The following RBFOX1 variants were observed in gnomAD, a reference collection of about 807,000 sequenced individuals.
RBFOX1 encodes RNA binding fox-1 homolog 1.
A neutral mutation model predicts 57.7 loss-of-function variants in RBFOX1; 8 were observed. The observed-to-expected ratio is 0.14, with a 90% CI of 0.08 to 0.25. RBFOX1 has a LOEUF of 0.25. Among genes scored for constraint, RBFOX1 ranks in the 10% least tolerant of loss-of-function variants. RBFOX1 has a pLI of 1.00. For missense variants in RBFOX1, 611 were observed against 548.5 expected (o/e 1.11, Z -1.14); for synonymous variants, 326 against 222.4 (o/e 1.47, Z -4.15).
At chr16:6,581,281 G>C (rs779382828) in intron 2 of RBFOX1, among the ~76,000 whole-genome samples, 25 of 152,090 alleles carry the variant, frequency 1.6e-4, no homozygotes, top group Non-Finnish European at 2.6e-4. Context: ...TCCTGCACAG[G>C]GTTCTGTGTC....
intron 3 of RBFOX1, among the ~76,000 whole-genome samples, chr16:6,668,863 T>C (rs1013722245): frequency 1.3e-5 from 2 of 152,220 alleles, no homozygotes; most frequent in African/African-American, 4.8e-5. Flanking sequence ...AAACTCTGAA[T>C]TAAAATGCAT....
At chr16:7,248,200 T>C (rs1294164562) in intron 4 of RBFOX1, among the ~76,000 whole-genome samples, 3 of 152,310 alleles carry the variant, frequency 2.0e-5, no homozygotes, top group Admixed American at 6.5e-5. Flanking sequence ...AGCTCTCTGA[T>C]AGGGTCCCTG....
At chr16:6,467,943 C>G (rs118132410) in intron 2 of RBFOX1, among the ~76,000 whole-genome samples, 101 of 152,138 alleles carry the variant, frequency 6.6e-4, no homozygotes, top group African/African-American at 2.2e-3. Flanking sequence ...TGGGAAAATC[C>G]CAGAATCTGC....
At chr16:6,706,176 C>T (rs540904622) in intron 3 of RBFOX1, among the ~76,000 whole-genome samples, 3 of 152,256 alleles carry the variant, frequency 2.0e-5, no homozygotes, top group African/African-American at 7.2e-5. Flanking sequence ...CTTTTTACTG[C>T]TCCCGTGAAT....
At chr16:6,915,265 C>T (rs1290941862) in intron 3 of RBFOX1, among the ~76,000 whole-genome samples, 1 of 152,100 alleles carries the variant, frequency 6.6e-6, no homozygotes, top group Non-Finnish European at 1.5e-5. Flanking sequence ...TACTAATTCC[C>T]TCCAAGAAGG....
At chr16:6,678,098 C>G (rs913560153) in intron 3 of RBFOX1, among the ~76,000 whole-genome samples, 4 of 152,172 alleles carry the variant, frequency 2.6e-5, no homozygotes, top group African/African-American at 9.7e-5. Context: ...TTCTCATCAT[C>G]TACTTAAATT....
At chr16:7,126,756 A>C (rs1347108723) in intron 4 of RBFOX1, 2 of 152,164 alleles carry the variant, frequency 1.3e-5, no homozygotes, top group African/African-American at 4.8e-5. Flanking sequence ...CGAGAGGCTG[A>C]GGCGGGCAGA....
chr16:7,115,665 G>A (rs147363274), intron 4 of RBFOX1, among the ~76,000 whole-genome samples: 2 of 152,334 alleles, frequency 1.3e-5, no homozygotes, highest in East Asian at 3.9e-4. Context: ...ATTCAAGAGA[G>A]AATGAAAGAG....
intron 2 of RBFOX1, among the ~76,000 whole-genome samples, chr16:6,372,686 G>A (rs1361781295): frequency 1.3e-5 from 2 of 151,762 alleles, no homozygotes; most frequent in African/African-American, 4.8e-5. Flanking sequence ...TAGTTGGTGA[G>A]GATCTTTGGA....
intron 4 of RBFOX1, among the ~76,000 whole-genome samples, chr16:7,066,691 C>G (rs4552043): frequency 6.6e-5 from 10 of 152,106 alleles, no homozygotes; most frequent in East Asian, 1.9e-4. Flanking sequence ...ATTTAAGGTC[C>G]TTCCACAGTC....
At chr16:5,883,487 C>T (rs1272061720) in intron 4 of RBFOX1, among the ~76,000 whole-genome samples, 1 of 150,432 alleles carries the variant, frequency 6.6e-6, no homozygotes. Context: ...AGTAAACTGT[C>T]TCGGAGGAAC....
chr16:6,601,716 C>G (rs1338097467), intron 2 of RBFOX1, among the ~76,000 whole-genome samples: 2 of 152,210 alleles, frequency 1.3e-5, no homozygotes, highest in East Asian at 3.9e-4. Flanking sequence ...TTAAGTCATT[C>G]TCCCGGGTAT....
chr16:5,394,561 C>T (rs1034471934), intron 1 of RBFOX1, among the ~76,000 whole-genome samples: 4 of 141,408 alleles, frequency 2.8e-5, no homozygotes, highest in Admixed American at 7.0e-5. Context: ...TCTTTTCTTT[C>T]TGTCTTTTTT....
chr16:5,778,969 T>C (rs1442735191), intron 3 of RBFOX1, among the ~76,000 whole-genome samples: 2 of 152,194 alleles, frequency 1.3e-5, no homozygotes, highest in South Asian at 2.1e-4. Context: ...CCCTCATCCA[T>C]TGATCTATTC....
chr16:5,365,806 C>T (rs1351989741), intron 1 of RBFOX1: 4 of 515,464 alleles, frequency 7.8e-6, no homozygotes, highest in African/African-American at 3.9e-5. Flanking sequence ...ATGGAAGATT[C>T]AGTGGACATG....
intron 4 of RBFOX1, among the ~76,000 whole-genome samples, chr16:7,455,079 C>T (rs983634057): frequency 3.9e-5 from 6 of 152,182 alleles, no homozygotes; most frequent in Admixed American, 1.3e-4. Flanking sequence ...ACAACGGATT[C>T]GATAGCAAAC....
intron 2 of RBFOX1, among the ~76,000 whole-genome samples, chr16:6,479,773 G>A (rs960186012): frequency 4.6e-5 from 7 of 152,062 alleles, no homozygotes; most frequent in Admixed American, 2.0e-4. Context: ...GTCTAGGCCA[G>A]GCACGGTGGC....
intron 4 of RBFOX1, among the ~76,000 whole-genome samples, chr16:7,160,906 T>C (rs1345651455): frequency 2.6e-5 from 4 of 152,004 alleles, no homozygotes; most frequent in African/African-American, 7.2e-5. Context: ...AACTCTAACT[T>C]CTTCAGCCCG....
intron 4 of RBFOX1, among the ~76,000 whole-genome samples, chr16:5,948,091 A>G (rs1409783509): frequency 6.6e-6 from 1 of 152,114 alleles, no homozygotes; most frequent in African/African-American, 2.4e-5. Context: ...GGGCATGGTG[A>G]GTCTATGTTT....
Sources: allele counts gnomAD v4.1 joint callset (sites outside exome capture counted in the v4.1 genomes callset), GRCh38; gene constraint gnomAD v4.1.1; transcripts MANE v1.5; gene names NCBI Gene and HGNC (gene_info 2026-07-23, HGNC 2026-07-21).